ARL5A: variants seen among roughly 807,000 people sequenced by gnomAD.
The protein encoded by ARL5A is ARF like GTPase 5A, also known as ADP-ribosylation factor-like protein 5A.
A neutral mutation model predicts 25.9 loss-of-function variants in ARL5A; 18 were observed. That is an observed-to-expected ratio of 0.69 (90% CI 0.48 to 1.03). The LOEUF is 1.03. ARL5A is among the 50% of genes least tolerant of loss of function. The probability of loss-of-function intolerance (pLI) is 0.00; values close to 1 mark genes in which losing one functional copy is unlikely to be tolerated. For missense variants in ARL5A, 170 were observed against 211.9 expected (o/e 0.80, Z 1.23); for synonymous variants, 61 against 67.5 (o/e 0.90, Z 0.47).
intron 1 of ARL5A, among the ~76,000 whole-genome samples, chr2:151,826,309 T>C (rs984521120): frequency 6.6e-6 from 1 of 152,212 alleles, no homozygotes; most frequent in Non-Finnish European, 1.5e-5. Flanking sequence ...TCTATTAATT[T>C]CCGCCAAACT....
chr2:151,814,047 G>T, intron 3 of ARL5A, 122 bp downstream of exon 3: 1 of 895,298 alleles, frequency 1.1e-6, no homozygotes, highest in Non-Finnish European at 1.6e-6. Context: ...ATTTTACTCT[G>T]CTTAAACTCT....
At chr2:151,822,937 A>T (rs1346986205) in intron 1 of ARL5A, among the ~76,000 whole-genome samples, 1 of 152,218 alleles carries the variant, frequency 6.6e-6, no homozygotes, top group Non-Finnish European at 1.5e-5. Context: ...GCCAGTTTTT[A>T]AAAGTTAATA....
Position 151,828,265 on chromosome 2 carries a change from A to T in ARL5A, c.-89T>A, listed in dbSNP as rs1214989263. On this transcript the variant is annotated 5_prime_UTR_variant, in exon 1 of 6. Transcript: ENST00000295087. ...GAGGGGGAGGAGAGAGACGCGCTGG[A>T]GCCTCCGCCTCTGCTGCTGCTCCCG... is the stretch of plus-strand genomic sequence containing the variant. 8.4e-7 allele frequency: 1 copy of T among 1,195,534 alleles called. No individual in the cohort carries two copies. Among genetic ancestry groups the T allele is most frequent in the Non-Finnish European group, 1.2e-6 (1 of 833,906 alleles). 74.1% of individuals were successfully genotyped at this position (1,195,534 alleles called of 1,614,324 possible).
In ARL5A at chr2:151,812,348, C is replaced by T; in HGVS notation, c.339+9G>A. On this transcript the variant is annotated intron_variant, in intron 4 of 5. Transcript: ENST00000295087. ...CCCCATATCTAATGTAAAAAGACTA[C>T]TTACTTACCTCATGCGCTAACATTT... 1 of 1,577,246 alleles carries T rather than the reference C, an allele frequency of 6.3e-7. No individual in the cohort carries two copies. Among genetic ancestry groups the T allele is most frequent in the Non-Finnish European group, 8.6e-7 (1 of 1,158,222 alleles).
In ARL5A at chr2:151,800,093, G is replaced by C. The variant is rs2099829203; in HGVS notation, c.*3183C>G. 6.6e-6 allele frequency: 1 copy of C among 152,068 alleles called. No homozygotes were observed. Among genetic ancestry groups the C allele is most frequent in the Non-Finnish European group, 1.5e-5 (1 of 68,012 alleles). The allele number at this position is 152,068 out of a possible 1,614,324, so 9.4% of individuals were successfully genotyped here. Reference sequence around the variant, plus strand: ...GGAGTTTGGAGATAACCGATGATGTGGTATTATCTCCTGTATACAAAGCAG... The same window carrying C: ...GGAGTTTGGAGATAACCGATGATGTCGTATTATCTCCTGTATACAAAGCAG... On this transcript the variant is annotated 3_prime_UTR_variant, in exon 6 of 6. Coordinates refer to ENST00000295087, the MANE Select transcript of ARL5A (RefSeq NM_012097.4).
At chr2:151,810,880 C>A (rs1339828325) in intron 4 of ARL5A, among the ~76,000 whole-genome samples, 1 of 151,892 alleles carries the variant, frequency 6.6e-6, no homozygotes, top group African/African-American at 2.4e-5. Context: ...CCAAAGTCTT[C>A]ATAAAACCAC....
chr2:151,810,737 T>C lies in ARL5A; in HGVS notation c.339+1620A>G, dbSNP rs1216217843. On this transcript the variant is annotated intron_variant, in intron 4 of 5. Coordinates refer to ENST00000295087, the MANE Select transcript of ARL5A (RefSeq NM_012097.4). ...AAAAATCAAAGACTTTGAACCCTAC[T>C]ACTGGGCTCTTCATATAGTGATCCT... is the stretch of plus-strand genomic sequence containing the variant. Among the ~76,000 whole-genome samples the C allele has an allele frequency of 2.0e-5, 3 of 152,198 alleles. No homozygotes were observed. In the East Asian group the frequency reaches 5.8e-4, roughly 29 times the overall value.
At chr2:151,826,694 TAA>T (rs956666615) in intron 1 of ARL5A, among the ~76,000 whole-genome samples, 1 of 152,186 alleles carries the variant, frequency 6.6e-6, no homozygotes, top group African/African-American at 2.4e-5. Context: ...AATGTAGAAA[TAA>T]AGTTTACAAG....
intron 4 of ARL5A, among the ~76,000 whole-genome samples, chr2:151,807,463 C>G (rs2099830243): frequency 6.6e-6 from 1 of 152,196 alleles, no homozygotes; most frequent in Non-Finnish European, 1.5e-5. Context: ...TTCCCTCCAA[C>G]CTCCTAAACC....
intron 1 of ARL5A, chr2:151,827,876 T>C (rs2099833298): frequency 1.9e-6 from 1 of 512,848 alleles, no homozygotes; most frequent in Non-Finnish European, 3.4e-6. Flanking sequence ...TCATTCGAAA[T>C]CGGAGCAATG....
chr2:151,805,929 A>G (rs1472097926), intron 5 of ARL5A, among the ~76,000 whole-genome samples: 1 of 151,244 alleles, frequency 6.6e-6, no homozygotes, highest in Admixed American at 6.6e-5. Context: ...CCTATTTCCA[A>G]CCTCCTCTAT....
At position 151,820,488 on chromosome 2, in the gene ARL5A, C is replaced by T. The variant is rs549565114; in HGVS notation, c.47-5289G>A. On this transcript the variant is annotated intron_variant, in intron 1 of 5. Transcript: ENST00000295087. ...CAGCTTGGCCAACATGGCGAAACCCCGTCTCTACTAAAAATTCAAAAATTA... is the reference window on the plus strand; with the variant it reads ...CAGCTTGGCCAACATGGCGAAACCCTGTCTCTACTAAAAATTCAAAAATTA... Among the ~76,000 whole-genome samples the T allele has an allele frequency of 6.6e-5, 10 of 151,680 alleles. No individual in the cohort carries two copies. The East Asian group carries it at 1.8e-3, about 27-fold the overall frequency.
intron 5 of ARL5A, 28 bp downstream of exon 5, chr2:151,806,793 G>C: frequency 8.9e-6 from 14 of 1,578,070 alleles, no homozygotes; most frequent in Non-Finnish European, 1.2e-5. Context: ...ATAAATGTTC[G>C]ATAACATTTA....
intron 4 of ARL5A, among the ~76,000 whole-genome samples, chr2:151,810,858 GT>G (rs1382069610): frequency 1.3e-5 from 2 of 151,932 alleles, no homozygotes; most frequent in Non-Finnish European, 2.9e-5. Flanking sequence ...ATTTGTATCA[GT>G]TTTTCTTTTT....
At chr2:151,824,609 C>T (rs947411146) in intron 1 of ARL5A, among the ~76,000 whole-genome samples, 16 of 152,188 alleles carry the variant, frequency 1.1e-4, no homozygotes, top group African/African-American at 3.9e-4. Flanking sequence ...CCTTTTCTAG[C>T]AACCAACCAA....
chr2:151,817,457 A>G (rs1384964051), intron 1 of ARL5A, among the ~76,000 whole-genome samples: 1 of 152,256 alleles, frequency 6.6e-6, no homozygotes, highest in Non-Finnish European at 1.5e-5. Flanking sequence ...ACCTCAGAGT[A>G]AGATCTTTAT....
chr2:151,824,756 T>C (rs78886276), intron 1 of ARL5A, among the ~76,000 whole-genome samples: 2,104 of 152,332 alleles, frequency 0.014, 47 homozygotes, highest in East Asian at 0.062. Context: ...CGTGCGTGCA[T>C]GTGTGTGTAG....
chr2:151,808,474 ACAAT>A (rs1355668240), intron 4 of ARL5A, among the ~76,000 whole-genome samples: 22 of 152,232 alleles, frequency 1.4e-4, no homozygotes, highest in African/African-American at 5.3e-4. Context: ...TATTTATATA[ACAAT>A]CAAGACTGAC....
At chr2:151,812,163 C>T (rs2099830930) in intron 4 of ARL5A, among the ~76,000 whole-genome samples, 194 bp downstream of exon 4, 1 of 152,204 alleles carries the variant, frequency 6.6e-6, no homozygotes, top group African/African-American at 2.4e-5. Flanking sequence ...CTGCAACTTA[C>T]TCCATAATCT....
Sources: allele counts gnomAD v4.1 joint callset (sites outside exome capture counted in the v4.1 genomes callset), GRCh38; gene constraint gnomAD v4.1.1; transcripts MANE v1.5; gene names NCBI Gene and HGNC (gene_info 2026-07-23, HGNC 2026-07-21).